Variants in TOP1MT observed in about 807,000 individuals in gnomAD.
TOP1MT encodes DNA topoisomerase I, mitochondrial.
TOP1MT carries 80 observed loss-of-function variants against 73.9 expected under a neutral mutation model. That is an observed-to-expected ratio of 1.08 (90% CI 0.90 to 1.30). The LOEUF is 1.30. Ranked by LOEUF, TOP1MT falls within the 50% of genes most tolerant of loss-of-function variation. The pLI, the probability that TOP1MT is intolerant of heterozygous loss-of-function variation, is 0.00. For synonymous variants in TOP1MT, 338 were observed against 326.4 expected (o/e 1.04, Z -0.38); for missense variants, 815 against 808.0 (o/e 1.01, Z -0.10).
At chr8:143,315,959 C>A in intron 11 of TOP1MT, 40 bp downstream of exon 11, 1 of 1,613,684 alleles carries the variant, frequency 6.2e-7, no homozygotes. Context: ...GGGAGGGGTC[C>A]CTTGAGGGCT....
chr8:143,345,978 G>C (rs1347794004), upstream of TOP1MT, among the ~76,000 whole-genome samples: 1 of 152,260 alleles, frequency 6.6e-6, no homozygotes, highest in Non-Finnish European at 1.5e-5. Flanking sequence ...TCGAGTGTGT[G>C]TGGACATGTC....
At chr8:143,359,395 A>T, upstream of TOP1MT, 1 of 985,418 alleles carries the variant, frequency 1.0e-6, no homozygotes, top group Non-Finnish European at 1.2e-6. Context: ...GCGCATCCAA[A>T]GCCGTCACTC....
Position 143,325,360 on chromosome 8 carries a change from A to C in TOP1MT, c.657T>G (p.Val219=), listed in dbSNP as rs780652970. The stretch of plus-strand genomic sequence containing the variant: ...CGGCCACGCACCTGCTGCAGTTGAT[A>C]ACCACATCCTCTGGCGTGATCCTTC... ...LKRRITPEDV[V]INCSRDSKIP... is the part of the protein sequence containing the mutation. Residue 219 remains valine, a synonymous_variant, in exon 5 of 14, where the codon GTT becomes GTG. Transcript: ENST00000329245. 6.3e-7 allele frequency: 1 copy of C among 1,592,116 alleles called. No individual in the cohort carries two copies. The highest frequency in any genetic ancestry group is 1.1e-5 in the South Asian group (1 of 90,608).
chr8:143,337,143 T>C (rs1259068198), upstream of TOP1MT, among the ~76,000 whole-genome samples: 7 of 152,184 alleles, frequency 4.6e-5, no homozygotes, highest in Non-Finnish European at 7.3e-5. Flanking sequence ...TAAGACAGCA[T>C]TGGCCAGGTG....
chr8:143,332,130 GTCA>G (rs1469785441), intron 1 of TOP1MT, among the ~76,000 whole-genome samples: 4 of 152,218 alleles, frequency 2.6e-5, no homozygotes, highest in African/African-American at 9.7e-5. Context: ...CTCCAGGCCA[GTCA>G]TCATCTATCC....
intron 2 of TOP1MT, among the ~76,000 whole-genome samples, chr8:143,340,880 T>C (rs1406505720): frequency 6.6e-6 from 1 of 152,190 alleles, no homozygotes; most frequent in South Asian, 2.1e-4. Flanking sequence ...TACATCCTCG[T>C]CCTCGTTCTG....
In TOP1MT at chr8:143,331,486, AG is replaced by A. The variant is rs577884134; in HGVS notation, c.123-148del. Reference sequence around the variant, plus strand: ...CGGGGGAGGAAAACAAGGCCTGCAGAGGGAGGCAACCCTACCTGACCTCAGA... The same window carrying A: ...CGGGGGAGGAAAACAAGGCCTGCAGAGGAGGCAACCCTACCTGACCTCAGA... On this transcript the variant is annotated intron_variant, in intron 1 of 13. Coordinates refer to ENST00000329245, the MANE Select transcript of TOP1MT (RefSeq NM_052963.3). 158 of 608,070 alleles carry A rather than the reference AG, an allele frequency of 2.6e-4. No homozygotes were observed. The African/African-American group carries it at 2.8e-3, about 11-fold the overall frequency. 37.7% of individuals were successfully genotyped at this position (608,070 alleles called of 1,614,324 possible). A position where few individuals can be genotyped will look rare whatever the true frequency, so the allele number is the denominator to read the frequency against.
chr8:143,323,324 C>A (rs1554620592), intron 7 of TOP1MT, among the ~76,000 whole-genome samples: 1 of 91,680 alleles, frequency 1.1e-5, no homozygotes, highest in African/African-American at 5.0e-5. Context: ...ACACGCACGC[C>A]ACACACATGC....
rs1406623828 is a variant in TOP1MT, at chr8:143,341,799, T to C, written c.29+1421A>G. On this transcript the variant is annotated intron_variant, in intron 2 of 5. Transcript: ENST00000518007. The surrounding 1 kb of genome is among the most constrained non-coding windows in gnomAD (Gnocchi z 4.1). ...TCACAGAGCACTATCCCGACACCAC[T>C]GCCCCATCTAGTGCTTCCTTCTTCC... 6.6e-6 allele frequency among the ~76,000 whole-genome samples: 1 copy of C among 152,148 alleles called. No individual in the cohort carries two copies. Among genetic ancestry groups the C allele is most frequent in the Non-Finnish European group, 1.5e-5 (1 of 68,018 alleles).
chr8:143,332,368 TG>T, intron 1 of TOP1MT: 1 of 735,456 alleles, frequency 1.4e-6, no homozygotes, highest in Non-Finnish European at 2.0e-6. Context: ...AAGGCCTCAG[TG>T]GGAGAGGCTT....
At chr8:143,359,194 T>A (rs1817462369), upstream of TOP1MT, 2 of 983,188 alleles carry the variant, frequency 2.0e-6, no homozygotes, top group South Asian at 9.4e-5. Flanking sequence ...AATAGCCTGT[T>A]CTTGGGTTTT....
intron 1 of TOP1MT, chr8:143,332,522 C>T: frequency 7.8e-7 from 1 of 1,289,448 alleles, no homozygotes; most frequent in Non-Finnish European, 1.0e-6. Flanking sequence ...TGACCCCAGC[C>T]AGGTAGTGCT....
In TOP1MT at chr8:143,326,313, T is replaced by A. The variant is rs1460139456; in HGVS notation, c.392A>T (p.Lys131Met). The change falls in exon 4 of 14, where the codon AAG becomes ATG. Residue 131 changes from lysine (K) to methionine (M), a missense_variant. This residue lies in a region of TOP1MT where 751 missense variants were observed against 725.4 expected (regional missense o/e 1.04). Transcript: ENST00000329245. ...CGTGAAGTCACACTTGTCCAGGCTC[T>A]TGATGACTTCCCTCTCTTCCACCGC... is the stretch of plus-strand genomic sequence containing the variant. Reference protein sequence around the residue: ...EMAVEEREVIKSLDKCDFTEI... With the variant: ...EMAVEEREVIMSLDKCDFTEI... 1 of 1,614,040 alleles carries A rather than the reference T, an allele frequency of 6.2e-7. No homozygotes were observed. Among genetic ancestry groups the A allele is most frequent in the South Asian group, 1.1e-5 (1 of 91,084 alleles).
intron 8 of TOP1MT, among the ~76,000 whole-genome samples, 171 bp downstream of exon 8, chr8:143,321,030 G>A (rs535501032): frequency 4.6e-4 from 70 of 152,248 alleles, no homozygotes; most frequent in Non-Finnish European, 9.0e-4. Context: ...CTACCATGGT[G>A]CACAGCCTCT....
Position 143,334,489 on chromosome 8 carries a change from G to A in TOP1MT, c.122+251C>T, listed in dbSNP as rs541649701. 6.6e-5 allele frequency among the ~76,000 whole-genome samples: 10 copies of A among 152,290 alleles called. No homozygotes were observed. In the South Asian group the frequency reaches 2.1e-3, roughly 32 times the overall value. ...TGATGAAACCACAAGCGGAAAAAAA[G>A]AGGGGAGATTTCCCCAAATAGGGTT... On this transcript the variant is annotated intron_variant, in intron 1 of 13. Transcript: ENST00000329245.
upstream of TOP1MT, among the ~76,000 whole-genome samples, chr8:143,347,626 T>C (rs1817248325): frequency 6.6e-6 from 1 of 152,038 alleles, no homozygotes; most frequent in Non-Finnish European, 1.5e-5. Flanking sequence ...TATTAAGTAT[T>C]ACAAATGGCA....
chr8:143,329,282 A>G, intron 3 of TOP1MT, 68 bp downstream of exon 3: 1 of 1,484,718 alleles, frequency 6.7e-7, no homozygotes, highest in East Asian at 2.6e-5. Flanking sequence ...CAGAGGCAGC[A>G]CTGCAGAACC....
intron 1 of TOP1MT, among the ~76,000 whole-genome samples, chr8:143,331,994 G>A (rs1816868860): frequency 6.6e-6 from 1 of 151,914 alleles, no homozygotes; most frequent in African/African-American, 2.4e-5. Context: ...AGGCTCCACA[G>A]GGCTCCCTGC....
intron 10 of TOP1MT, among the ~76,000 whole-genome samples, chr8:143,317,153 G>A (rs1173222498): frequency 6.6e-6 from 1 of 152,224 alleles, no homozygotes; most frequent in African/African-American, 2.4e-5. Flanking sequence ...GGCACCCTCT[G>A]GACAGTCTGT....
Sources: gnomAD v4.1 joint callset for allele counts (sites outside exome capture counted in the v4.1 genomes callset) on GRCh38, gnomAD v4.1.1 for gene constraint, gnomAD v4.1.1 regional missense constraint, Gnocchi (gnomAD v3.1) non-coding constraint, MANE v1.5 for transcripts, NCBI Gene and HGNC (gene_info 2026-07-23, HGNC 2026-07-21) for gene names.